The following RFTN1 variants were observed in gnomAD, a reference collection of about 807,000 sequenced individuals.
The protein encoded by RFTN1 is raftlin.
A neutral mutation model predicts 46.5 loss-of-function variants in RFTN1; 26 were observed. That is an observed-to-expected ratio of 0.56 (90% CI 0.41 to 0.78). The LOEUF (loss-of-function observed/expected upper bound fraction) is 0.78. Among genes scored for constraint, RFTN1 ranks in the 30% least tolerant of loss-of-function variants. RFTN1 has a pLI of 0.00. For missense variants in RFTN1, 693 were observed against 718.7 expected (o/e 0.96, Z 0.41); for synonymous variants, 261 against 284.2 (o/e 0.92, Z 0.82).
rs1054275617 is a variant in RFTN1, at chr3:16,427,121, T to G, written c.332+6730A>C. Among the ~76,000 whole-genome samples, 1 of 152,218 alleles carries G rather than the reference T, an allele frequency of 6.6e-6. No homozygotes were observed. The highest frequency in any genetic ancestry group is 2.4e-5 in the African/African-American group (1 of 41,440). ...GGCTGCAAGATGGCAGCCAGTGGCA[T>G]GGGTTAGGGACAAACAATCCTACTT... On this transcript the variant is annotated intron_variant, in intron 3 of 9. Coordinates refer to ENST00000334133, the MANE Select transcript of RFTN1 (RefSeq NM_015150.2). The surrounding 1 kb of genome is among the most constrained non-coding windows in gnomAD (Gnocchi z 5.4).
rs1310985238 is a variant in RFTN1, at chr3:16,427,073, A to G, written c.332+6778T>C. On this transcript the variant is annotated intron_variant, in intron 3 of 9. Coordinates refer to ENST00000334133, the MANE Select transcript of RFTN1 (RefSeq NM_015150.2). This position sits in a 1 kb window ranked among gnomAD's most constrained non-coding sequence, Gnocchi z 5.4. ...GGTGTGTGATTACCTCTACTGATGT[A>G]AGCACTACACAGAAATCTTAGAGGC... 6.6e-6 allele frequency among the ~76,000 whole-genome samples: 1 copy of G among 152,228 alleles called. No individual in the cohort carries two copies. Among genetic ancestry groups the G allele is most frequent in the Admixed American group, 6.5e-5 (1 of 15,280 alleles).
intron 3 of RFTN1, among the ~76,000 whole-genome samples, chr3:16,423,029 A>G (rs1454756382): frequency 5.9e-5 from 9 of 151,694 alleles, no homozygotes; most frequent in Non-Finnish European, 1.3e-4. Flanking sequence ...TTAGCCGGGC[A>G]TGGTGGTTGG....
At chr3:16,366,982 T>C (rs12635698) in intron 6 of RFTN1, among the ~76,000 whole-genome samples, 32,901 of 151,486 alleles carry the variant, frequency 0.22, 4,643 homozygotes, top group African/African-American at 0.47. Flanking sequence ...GTACAAGTCT[T>C]TCTATGTCCC....
intron 5 of RFTN1, among the ~76,000 whole-genome samples, chr3:16,372,691 G>A (rs689662): frequency 0.62 from 94,335 of 152,106 alleles, 30,805 homozygotes; most frequent in African/African-American, 0.81. Context: ...AATGAACCAG[G>A]AAAAGGGGAA....
Position 16,385,700 on chromosome 3 carries a change from C to T in RFTN1, c.442-7598G>A, listed in dbSNP as rs1262193676. Among the ~76,000 whole-genome samples the T allele has an allele frequency of 6.6e-6, 1 of 152,190 alleles. No individual in the cohort carries two copies. The highest frequency in any genetic ancestry group is 6.5e-5 in the Admixed American group (1 of 15,282). ...AGTAGTTTGTCATAGTAGATGCATGCCCTGACCAGGAGGGCACAGTCAAAG... is the reference window on the plus strand; with the variant it reads ...AGTAGTTTGTCATAGTAGATGCATGTCCTGACCAGGAGGGCACAGTCAAAG... On this transcript the variant is annotated intron_variant, in intron 4 of 9. Transcript: ENST00000334133. This position sits in a 1 kb window ranked among gnomAD's most constrained non-coding sequence, Gnocchi z 5.0.
chr3:16,463,955 G>T (rs998395689), intron 2 of RFTN1, among the ~76,000 whole-genome samples: 1 of 152,098 alleles, frequency 6.6e-6, no homozygotes, highest in Admixed American at 6.5e-5. Context: ...GGACTTCACT[G>T]AGAGCCTGGT....
Position 16,448,809 on chromosome 3 carries a change from G to C in RFTN1, c.146-14772C>G, listed in dbSNP as rs1011250742. ...AGTCTCACCCCATGCGGGGATTACA[G>C]GCTGCGACTCACTGCTCTAGCAAAA... On this transcript the variant is annotated intron_variant, in intron 2 of 9. Coordinates refer to ENST00000334133, the MANE Select transcript of RFTN1 (RefSeq NM_015150.2). The surrounding 1 kb of genome is among the most constrained non-coding windows in gnomAD (Gnocchi z 4.1). Among the ~76,000 whole-genome samples the C allele has an allele frequency of 1.5e-4, 23 of 152,164 alleles. No homozygotes were observed. Among genetic ancestry groups the C allele is most frequent in the African/African-American group, 4.3e-4 (18 of 41,438 alleles).
chr3:16,378,980 A>G (rs1320893419), intron 4 of RFTN1, among the ~76,000 whole-genome samples: 1 of 152,270 alleles, frequency 6.6e-6, no homozygotes, highest in Non-Finnish European at 1.5e-5. Flanking sequence ...ATAACCTAAT[A>G]AAATAAAGCA....
Position 16,317,094 on chromosome 3 carries a change from T to C in RFTN1, c.1471A>G (p.Met491Val), listed in dbSNP as rs201795053. 3.2e-4 allele frequency: 515 copies of C among 1,613,850 alleles called. No individual in the cohort carries two copies. Among genetic ancestry groups the C allele is most frequent in the Non-Finnish European group, 3.8e-4 (453 of 1,180,006 alleles). ...TGCTGTCCTGAAACACAGTTTCCCA[T>C]GTCTCCAGCTTTGGAAGACTGGTCT... ...LEDQSSKAGD[M>V]GNCVSGQQQE... The change falls in exon 10 of 10, where the codon ATG (methionine) becomes GTG (valine). Residue 491 changes from methionine to valine, a missense_variant. Physicochemically the swap from Met to Val is conservative, Grantham distance 21. Transcript: ENST00000334133. This position sits in a 1 kb window ranked among gnomAD's most constrained non-coding sequence, Gnocchi z 4.3.
chr3:16,498,582 T>C lies in RFTN1; in HGVS notation c.-8-4705A>G, dbSNP rs1391787305. On this transcript the variant is annotated intron_variant, in intron 1 of 9. Coordinates refer to ENST00000334133, the MANE Select transcript of RFTN1 (RefSeq NM_015150.2). This position sits in a 1 kb window ranked among gnomAD's most constrained non-coding sequence, Gnocchi z 5.2. The stretch of plus-strand genomic sequence containing the variant: ...ATTTTAGAGACTGATTTCTCTGGAG[T>C]GCGTGCAACCCTGGCTAAGCAACTG... Among the ~76,000 whole-genome samples, 1 of 152,180 alleles carries C rather than the reference T, an allele frequency of 6.6e-6. No homozygotes were observed. The highest frequency in any genetic ancestry group is 2.4e-5 in the African/African-American group (1 of 41,434).
intron 3 of RFTN1, among the ~76,000 whole-genome samples, chr3:16,423,815 C>G (rs963851698): frequency 6.6e-6 from 1 of 152,168 alleles, no homozygotes; most frequent in African/African-American, 2.4e-5. Flanking sequence ...ACAAATTCCC[C>G]ACGAACAGGA....
rs201934236 is a variant in RFTN1 at position 16,345,786 on chromosome 3, C to CTCTG, written c.1146+12142_1146+12145dup. On this transcript the variant is annotated intron_variant, in intron 7 of 9. Coordinates refer to ENST00000334133, the MANE Select transcript of RFTN1 (RefSeq NM_015150.2). The surrounding 1 kb of genome is among the most constrained non-coding windows in gnomAD (Gnocchi z 5.2). ...CATGAGCCAAAACCTTATAATAAAT[C>CTCTG]TCTGTGTGTGTGTGTGTGTGTGTGT... Among the ~76,000 whole-genome samples the CTCTG allele has an allele frequency of 0.01, 822 of 81,536 alleles. 3 individuals are homozygous for CTCTG. The highest frequency in any genetic ancestry group is 0.015 in the Non-Finnish European group (578 of 39,748). 53.5% of individuals were successfully genotyped at this position (81,536 alleles called of 152,430 possible). A position where few individuals can be genotyped will look rare whatever the true frequency, so the allele number is the denominator to read the frequency against.
At position 16,475,514 on chromosome 3, in the gene RFTN1, T is replaced by G. The variant is rs1039516926; in HGVS notation, c.145+18211A>C. The stretch of plus-strand genomic sequence containing the variant: ...AAGGCAAAGAAGGCAATTACCCTAC[T>G]GGGTGAGGTGAATGATCCCAATTTC... On this transcript the variant is annotated intron_variant, in intron 2 of 9. Coordinates refer to ENST00000334133, the MANE Select transcript of RFTN1 (RefSeq NM_015150.2). The surrounding 1 kb of genome is among the most constrained non-coding windows in gnomAD (Gnocchi z 4.2). Among the ~76,000 whole-genome samples the G allele has an allele frequency of 1.3e-5, 2 of 152,186 alleles. No homozygotes were observed. Among genetic ancestry groups the G allele is most frequent in the African/African-American group, 4.8e-5 (2 of 41,450 alleles).
Position 16,327,058 on chromosome 3 carries a change from A to G in RFTN1, c.1147-182T>C, listed in dbSNP as rs1367162910. ...AAAAGTTTGGAGTCAAACTGCCAAC[A>G]TGGGATTTCCTTCTGGGCCCCATTT... On this transcript the variant is annotated intron_variant, in intron 7 of 9. Coordinates refer to ENST00000334133, the MANE Select transcript of RFTN1 (RefSeq NM_015150.2). The surrounding 1 kb of genome is among the most constrained non-coding windows in gnomAD (Gnocchi z 4.2). Among the ~76,000 whole-genome samples the G allele has an allele frequency of 6.6e-6, 1 of 152,204 alleles. No homozygotes were observed. Among genetic ancestry groups the G allele is most frequent in the Non-Finnish European group, 1.5e-5 (1 of 68,024 alleles).
At chr3:16,411,021 G>A (rs1055688413) in intron 3 of RFTN1, among the ~76,000 whole-genome samples, 3 of 152,330 alleles carry the variant, frequency 2.0e-5, no homozygotes, top group African/African-American at 7.2e-5. Flanking sequence ...TGGTATTGGG[G>A]AGTGGGAATT....
chr3:16,343,841 A>T (rs1425846887), intron 7 of RFTN1, among the ~76,000 whole-genome samples: 1 of 152,212 alleles, frequency 6.6e-6, no homozygotes, highest in Non-Finnish European at 1.5e-5. Context: ...TTCCTAGGTA[A>T]GGTGAAATGT....
chr3:16,376,878 T>A lies in RFTN1; in HGVS notation c.826+840A>T, dbSNP rs1159215998. Among the ~76,000 whole-genome samples the A allele has an allele frequency of 3.9e-5, 6 of 152,156 alleles. No homozygotes were observed. Among genetic ancestry groups the A allele is most frequent in the Admixed American group, 1.3e-4 (2 of 15,280 alleles). On this transcript the variant is annotated intron_variant, in intron 5 of 9. Transcript: ENST00000334133. The surrounding 1 kb of genome is among the most constrained non-coding windows in gnomAD (Gnocchi z 4.7). ...TCATTATCACTTGTAAGAGGCTAAATTCAAGAATTCGTAAATAAATGGTAA... is the reference window on the plus strand; with the variant it reads ...TCATTATCACTTGTAAGAGGCTAAAATCAAGAATTCGTAAATAAATGGTAA...
intron 1 of RFTN1, 139 bp from the exon 2 acceptor site, chr3:16,494,016 T>A: frequency 1.1e-6 from 1 of 921,908 alleles, no homozygotes; most frequent in Non-Finnish European, 1.6e-6. Context: ...GAGTATAATT[T>A]AATATAGGAC....
In RFTN1 at chr3:16,451,179, C is replaced by T. The variant is rs2124906249; in HGVS notation, c.146-17142G>A. 6.6e-6 allele frequency among the ~76,000 whole-genome samples: 1 copy of T among 152,300 alleles called. No individual in the cohort carries two copies. Among genetic ancestry groups the T allele is most frequent in the Middle Eastern group, 3.4e-3 (1 of 294 alleles). ...AGTGGCTGAGCGCAGATGGGCAGATCTGCAAAGGAGGCAGAGGAGCAGCCC... is the reference window on the plus strand; with the variant it reads ...AGTGGCTGAGCGCAGATGGGCAGATTTGCAAAGGAGGCAGAGGAGCAGCCC... On this transcript the variant is annotated intron_variant, in intron 2 of 9. Coordinates refer to ENST00000334133, the MANE Select transcript of RFTN1 (RefSeq NM_015150.2). The surrounding 1 kb of genome is among the most constrained non-coding windows in gnomAD (Gnocchi z 4.2).
Sources: allele counts gnomAD v4.1 joint callset (sites outside exome capture counted in the v4.1 genomes callset), GRCh38; gene constraint gnomAD v4.1.1; non-coding constraint Gnocchi (gnomAD v3.1); transcripts MANE v1.5; gene names NCBI Gene and HGNC (gene_info 2026-07-23, HGNC 2026-07-21).